EVI5L: variants seen among roughly 807,000 people sequenced by gnomAD.
The protein encoded by EVI5L is ecotropic viral integration site 5 like, also known as EVI5-like protein.
Under a neutral mutation model 106.1 loss-of-function variants are expected in EVI5L, and 30 were observed. That is an observed-to-expected ratio of 0.28 (90% CI 0.21 to 0.38). The LOEUF (loss-of-function observed/expected upper bound fraction) is 0.38. Among genes scored for constraint, EVI5L ranks in the 10% least tolerant of loss-of-function variants. The pLI is 1.00. For synonymous variants in EVI5L, 489 were observed against 483.3 expected, an observed-to-expected ratio of 1.01 and a Z score of -0.15; for missense variants, 809 against 1,098.0, an observed-to-expected ratio of 0.74 and a Z score of 3.72.
intron 1 of EVI5L, among the ~76,000 whole-genome samples, chr19:7,837,963 G>A (rs1220356359): frequency 2.0e-5 from 3 of 151,658 alleles, no homozygotes; most frequent in East Asian, 1.9e-4. Flanking sequence ...TCAGCCTCCC[G>A]AAGTGCTGGG....
rs1196518207 is a variant in EVI5L, at chr19:7,862,743, C to G, written c.1947+209C>G. ...GATCCGGCCCCGCCTCCTGACCACC[C>G]CCCCCCGCGGTCCCGCCTCCTGATC... On this transcript the variant is annotated intron_variant, in intron 17 of 19. Coordinates refer to ENST00000538904, the MANE Select transcript of EVI5L (RefSeq NM_001159944.3). Among the ~76,000 whole-genome samples the G allele has an allele frequency of 6.2e-5, 8 of 129,046 alleles. No homozygotes were observed. The East Asian group carries it at 7.3e-4, about 12-fold the overall frequency. 84.7% of individuals were successfully genotyped at this position (129,046 alleles called of 152,430 possible).
intron 1 of EVI5L, among the ~76,000 whole-genome samples, chr19:7,840,640 C>G (rs953160037): frequency 2.0e-5 from 3 of 151,958 alleles, no homozygotes; most frequent in African/African-American, 4.8e-5. Context: ...TCCCCCTGGC[C>G]CCTGGTGACC....
intron 10 of EVI5L, 99 bp from the exon 11 acceptor site, chr19:7,855,916 T>A: frequency 8.8e-7 from 1 of 1,130,284 alleles, no homozygotes; most frequent in South Asian, 3.9e-5. Context: ...AAAAGTGGCC[T>A]GGCCCTAAGG....
Position 7,846,647 on chromosome 19 carries a change from G to A in EVI5L, c.105G>A (p.Leu35=). Residue 35 remains leucine, a synonymous_variant, in exon 2 of 20, where the codon CTG becomes CTA. Coordinates refer to ENST00000538904, the MANE Select transcript of EVI5L (RefSeq NM_001159944.3). ...SDSENLSPDE[L]ELLAKLEEQN... is the part of the protein sequence containing the mutation. ...CCGAGAACCTCAGCCCCGATGAGCTGGAGCTGCTGGCCAAGCTCGAAGAGC... is the reference window on the plus strand; with the variant it reads ...CCGAGAACCTCAGCCCCGATGAGCTAGAGCTGCTGGCCAAGCTCGAAGAGC... 1.2e-6 allele frequency: 2 copies of A among 1,613,580 alleles called. No individual in the cohort carries two copies. The highest frequency in any genetic ancestry group is 1.7e-6 in the Non-Finnish European group (2 of 1,179,894).
At chr19:7,860,720 G>C in intron 14 of EVI5L, 31 bp downstream of exon 14, 1 of 1,543,472 alleles carries the variant, frequency 6.5e-7, no homozygotes, top group South Asian at 1.2e-5. Flanking sequence ...GGCAGGTGTC[G>C]GGGGGACCCT....
intron 6 of EVI5L, 120 bp from the exon 7 acceptor site, chr19:7,851,314 C>T: frequency 8.1e-7 from 1 of 1,238,946 alleles, no homozygotes; most frequent in Non-Finnish European, 1.1e-6. Flanking sequence ...AGGAAGGGAG[C>T]CTCAGGCTGC....
Position 7,851,444 on chromosome 19 carries a change from C to T in EVI5L, c.764C>T (p.Pro255Leu). Reference sequence around the variant, plus strand: ...CTCCCACCCCTGCAGGAGCAGCTCCCAGACCTCAACACCCACTTCCGTTCC... The same window carrying T: ...CTCCCACCCCTGCAGGAGCAGCTCCTAGACCTCAACACCCACTTCCGTTCC... The part of the protein sequence containing the change: ...QFEYMLQEQL[P>L]DLNTHFRSQS... Residue 255 changes from proline (P) to leucine (L), a missense_variant, in exon 7 of 20, where the codon CCA (proline) becomes CTA (leucine). By Grantham distance (98) the Pro-to-Leu change is moderately conservative (BLOSUM62 -3). This residue lies in a region of EVI5L where 357 missense variants were observed against 588.1 expected (regional missense o/e 0.61). Transcript: ENST00000538904. 1.2e-6 allele frequency: 2 copies of T among 1,612,044 alleles called. No individual in the cohort carries two copies. Among genetic ancestry groups the T allele is most frequent in the Non-Finnish European group, 1.7e-6 (2 of 1,179,106 alleles).
chr19:7,843,092 T>C (rs1978729491), intron 1 of EVI5L, among the ~76,000 whole-genome samples: 1 of 141,256 alleles, frequency 7.1e-6, no homozygotes, highest in Non-Finnish European at 1.5e-5. Flanking sequence ...GGTGTGTGAG[T>C]GTGTGAGAAT....
At chr19:7,854,839 A>G (rs562488474) in intron 10 of EVI5L, among the ~76,000 whole-genome samples, 22 of 152,282 alleles carry the variant, frequency 1.4e-4, no homozygotes, top group African/African-American at 4.8e-4. Flanking sequence ...GACATGCATC[A>G]ATGACTGTCA....
At chr19:7,851,119 C>T (rs1479687480) in intron 6 of EVI5L, among the ~76,000 whole-genome samples, 1 of 152,160 alleles carries the variant, frequency 6.6e-6, no homozygotes, top group Non-Finnish European at 1.5e-5. Flanking sequence ...CTCCCCCAGC[C>T]TCAGACACAC....
In EVI5L at chr19:7,857,697, TGGG is replaced by T. The variant is rs1241159977; in HGVS notation, c.1234-491_1234-489del. 5.7e-6 allele frequency: 1 copy of T among 174,196 alleles called. No homozygotes were observed. The highest frequency in any genetic ancestry group is 1.2e-5 in the Non-Finnish European group (1 of 82,028). The allele number at this position is 174,196 out of a possible 1,614,324, so 10.8% of individuals were successfully genotyped here. On this transcript the variant is annotated intron_variant, in intron 12 of 19. Transcript: ENST00000538904. The surrounding 1 kb of genome is among the most constrained non-coding windows in gnomAD (Gnocchi z 4.5). ...AGTTGGGTAGGGGACAAAGATGAGG[TGGG>T]GGAAAAAAGGGGGTCTTAGCTCCAG...
At chr19:7,854,724 G>A (rs1434615323) in intron 10 of EVI5L, among the ~76,000 whole-genome samples, 1 of 152,190 alleles carries the variant, frequency 6.6e-6, no homozygotes, top group Non-Finnish European at 1.5e-5. Flanking sequence ...CAGGGATCAG[G>A]GCTCCAGATT....
intron 13 of EVI5L, among the ~76,000 whole-genome samples, chr19:7,860,286 G>A (rs1483115335): frequency 6.6e-6 from 1 of 152,196 alleles, no homozygotes; most frequent in African/African-American, 2.4e-5. Flanking sequence ...ACCAGTCACT[G>A]GGGTCCCGCG....
chr19:7,864,798 C>T lies in EVI5L; in HGVS notation c.*1096C>T, dbSNP rs943357451. On this transcript the variant is annotated 3_prime_UTR_variant, in exon 20 of 20. Coordinates refer to ENST00000538904, the MANE Select transcript of EVI5L (RefSeq NM_001159944.3). This position sits in a 1 kb window ranked among gnomAD's most constrained non-coding sequence, Gnocchi z 4.5. The stretch of plus-strand genomic sequence containing the variant: ...CCTGGCGCTTCCTGGGTGGGGACCC[C>T]TGCTCCGTCCCCGCTTCCTAGCTGC... 1.3e-5 allele frequency: 2 copies of T among 152,458 alleles called. No homozygotes were observed. The highest frequency in any genetic ancestry group is 2.9e-5 in the Non-Finnish European group (2 of 68,086). 9.4% of individuals were successfully genotyped at this position (152,458 alleles called of 1,614,324 possible). A position where few individuals can be genotyped will look rare whatever the true frequency, so the allele number is the denominator to read the frequency against.
In EVI5L at chr19:7,853,442, G is replaced by A. The variant is rs1599573659; in HGVS notation, c.1146+109G>A. On this transcript the variant is annotated intron_variant, in intron 10 of 19. Transcript: ENST00000538904. ...GGGCGGGCCTTCCCAGCGCACAGGC[G>A]GACCCGGCGGTCCTTGGCGGACAGG... is the stretch of plus-strand genomic sequence containing the variant. 22 of 1,441,866 alleles carry A rather than the reference G, an allele frequency of 1.5e-5. No individual in the cohort carries two copies. In the East Asian group the frequency reaches 4.7e-4, roughly 31 times the overall value. 89.3% of individuals were successfully genotyped at this position (1,441,866 alleles called of 1,614,324 possible). A position where few individuals can be genotyped will look rare whatever the true frequency, so the allele number is the denominator to read the frequency against.
At chr19:7,842,627 GTGTGAAAATA>G (rs1253879012) in intron 1 of EVI5L, among the ~76,000 whole-genome samples, 1 of 151,972 alleles carries the variant, frequency 6.6e-6, no homozygotes, top group African/African-American at 2.4e-5. Context: ...GTGTGTGCGT[GTGTGAAAATA>G]TGTGAATGTG....
chr19:7,846,357 G>A (rs1978946228), intron 1 of EVI5L, 139 bp from the exon 2 acceptor site: 1 of 693,190 alleles, frequency 1.4e-6, no homozygotes, highest in African/African-American at 1.8e-5. Context: ...GCTGGGCTGG[G>A]GCGCATGGGG....
Position 7,853,169 on chromosome 19 carries a change from C to G in EVI5L, c.1071C>G (p.Pro357=). ...VLKAYQVKYN[P]KKMKRLEKEY... ...AAGCCTACCAGGTCAAGTACAACCC[C>G]AAGAAGATGAAGAGGTCGGTGCCTG... The change falls in exon 9 of 20, where the codon CCC becomes CCG. Residue 357 remains proline (P), a synonymous_variant. Transcript: ENST00000538904. 1 of 1,614,060 alleles carries G rather than the reference C, an allele frequency of 6.2e-7. No homozygotes were observed.
Position 7,863,090 on chromosome 19 carries a change from G to A in EVI5L, c.2043+23G>A, listed in dbSNP as rs752317354. ...CAGGTGATCGGCGGGGCCGGGGTCG[G>A]GGGGCGGGGGCGGGGGCAGGGCCCG... On this transcript the variant is annotated intron_variant, in intron 18 of 19. Coordinates refer to ENST00000538904, the MANE Select transcript of EVI5L (RefSeq NM_001159944.3). This position sits in a 1 kb window ranked among gnomAD's most constrained non-coding sequence, Gnocchi z 7.7. The A allele has an allele frequency of 5.7e-6, 5 of 880,352 alleles. No individual in the cohort carries two copies. The Admixed American group carries it at 6.2e-5, about 11-fold the overall frequency. 54.5% of individuals were successfully genotyped at this position (880,352 alleles called of 1,614,324 possible). A position where few individuals can be genotyped will look rare whatever the true frequency, so the allele number is the denominator to read the frequency against.
Sources: allele counts gnomAD v4.1 joint callset (sites outside exome capture counted in the v4.1 genomes callset), GRCh38; gene constraint gnomAD v4.1.1; regional missense constraint gnomAD v4.1.1; non-coding constraint Gnocchi (gnomAD v3.1); transcripts MANE v1.5; gene names NCBI Gene and HGNC (gene_info 2026-07-23, HGNC 2026-07-21).